The following GPC5 variants were observed in gnomAD, a reference collection of about 807,000 sequenced individuals.
The protein encoded by GPC5 is glypican-5.
Under a neutral mutation model 53.9 loss-of-function variants are expected in GPC5, and 47 were observed. The ratio of observed to expected loss-of-function variants is 0.87; its 90% CI spans 0.69 to 1.11. The LOEUF is 1.11. Among genes scored for constraint, GPC5 ranks in the 50% most tolerant of loss-of-function variants. The pLI, the probability that GPC5 is intolerant of heterozygous loss-of-function variation, is 0.00. For missense variants in GPC5, 748 were observed against 713.1 expected, an observed-to-expected ratio of 1.05 and a Z score of -0.56; for synonymous variants, 286 against 263.3, an observed-to-expected ratio of 1.09 and a Z score of -0.84.
intron 2 of GPC5, among the ~76,000 whole-genome samples, chr13:91,510,335 T>C (rs1453065228): frequency 6.6e-6 from 1 of 152,146 alleles, no homozygotes; most frequent in African/African-American, 2.4e-5. Context: ...TATTTTCACA[T>C]CTACACATAT....
intron 7 of GPC5, among the ~76,000 whole-genome samples, chr13:92,789,184 C>G (rs745620051): frequency 6.6e-6 from 1 of 152,080 alleles, no homozygotes; most frequent in Admixed American, 6.6e-5. Context: ...TTTGGCAGAT[C>G]TCAGAGGTGT....
chr13:91,714,154 C>T (rs1474622454), intron 3 of GPC5, among the ~76,000 whole-genome samples: 3 of 152,138 alleles, frequency 2.0e-5, no homozygotes, highest in African/African-American at 7.2e-5. Flanking sequence ...ATTCTCTCAC[C>T]AACAACTCAC....
At chr13:91,664,684 C>T (rs1005396252) in intron 2 of GPC5, among the ~76,000 whole-genome samples, 2 of 152,124 alleles carry the variant, frequency 1.3e-5, no homozygotes, top group African/African-American at 2.4e-5. Context: ...CCATGCTCTG[C>T]GTTGAGATTA....
intron 7 of GPC5, among the ~76,000 whole-genome samples, chr13:92,685,545 T>TTTTAA (rs1491264281): frequency 6.7e-5 from 1 of 14,996 alleles, no homozygotes; most frequent in East Asian, 3.0e-3. Flanking sequence ...ATTATGCTCA[T>TTTTAA]TTTTTTTTTT....
intron 4 of GPC5, among the ~76,000 whole-genome samples, chr13:91,753,125 G>A (rs2037215201): frequency 6.6e-6 from 1 of 152,110 alleles, no homozygotes; most frequent in South Asian, 2.1e-4. Flanking sequence ...AACAAAACAA[G>A]CAAACAACAA....
chr13:91,420,451 A>T (rs1319738211), intron 1 of GPC5, among the ~76,000 whole-genome samples: 2 of 152,170 alleles, frequency 1.3e-5, no homozygotes, highest in African/African-American at 4.8e-5. Context: ...CCTGGCTTTC[A>T]GCATGTCAAG....
intron 2 of GPC5, among the ~76,000 whole-genome samples, chr13:91,539,436 G>A (rs905885522): frequency 1.3e-5 from 2 of 152,096 alleles, no homozygotes; most frequent in Non-Finnish European, 2.9e-5. Flanking sequence ...TTCTTTCCCA[G>A]GCAGGCTGCC....
At chr13:91,757,183 C>G (rs1239727905) in intron 5 of GPC5, among the ~76,000 whole-genome samples, 2 of 151,944 alleles carry the variant, frequency 1.3e-5, no homozygotes, top group Non-Finnish European at 2.9e-5. Flanking sequence ...GGAAAAGTCT[C>G]TTGATTTGCC....
At chr13:91,498,105 C>A (rs1884381783) in intron 2 of GPC5, among the ~76,000 whole-genome samples, 1 of 150,972 alleles carries the variant, frequency 6.6e-6, no homozygotes, top group Non-Finnish European at 1.5e-5. Flanking sequence ...TTTTCTCCCG[C>A]TTAATGCTTT....
intron 7 of GPC5, among the ~76,000 whole-genome samples, chr13:92,615,133 C>T (rs1242286467): frequency 6.6e-6 from 1 of 152,176 alleles, no homozygotes; most frequent in Non-Finnish European, 1.5e-5. Context: ...ATTGAAATGA[C>T]TTTTCAAACA....
intron 7 of GPC5, among the ~76,000 whole-genome samples, chr13:92,614,468 T>C (rs2139103586): frequency 6.6e-6 from 1 of 152,326 alleles, no homozygotes; most frequent in Non-Finnish European, 1.5e-5. Context: ...TGGAATTATG[T>C]CCTGATAAAT....
chr13:91,617,574 T>C (rs2033732026), intron 2 of GPC5, among the ~76,000 whole-genome samples: 1 of 152,104 alleles, frequency 6.6e-6, no homozygotes, highest in African/African-American at 2.4e-5. Context: ...TAAAAGACTC[T>C]TGACAAGCAA....
At chr13:92,820,846 TTTGA>T (rs1296078654) in intron 7 of GPC5, among the ~76,000 whole-genome samples, 1 of 152,196 alleles carries the variant, frequency 6.6e-6, no homozygotes, top group Non-Finnish European at 1.5e-5. Context: ...TATTAACTTG[TTTGA>T]TTCTCATTAC....
intron 7 of GPC5, among the ~76,000 whole-genome samples, chr13:92,420,902 C>T (rs531814827): frequency 3.5e-4 from 54 of 152,214 alleles, no homozygotes; most frequent in Non-Finnish European, 7.4e-4. Flanking sequence ...TTGATGGACA[C>T]CTAAGTTGTT....
intron 7 of GPC5, among the ~76,000 whole-genome samples, chr13:92,473,058 A>G (rs1435022735): frequency 6.6e-6 from 1 of 152,054 alleles, no homozygotes; most frequent in African/African-American, 2.4e-5. Context: ...TATTGATCAT[A>G]TTTCTAAAAA....
chr13:91,766,238 G>A (rs2037521305), intron 5 of GPC5, among the ~76,000 whole-genome samples: 2 of 152,206 alleles, frequency 1.3e-5, no homozygotes, highest in Admixed American at 1.3e-4. Context: ...GCGAGTGGGA[G>A]CAAATGCATT....
intron 7 of GPC5, among the ~76,000 whole-genome samples, chr13:92,274,391 G>C (rs2042860760): frequency 6.6e-6 from 1 of 151,970 alleles, no homozygotes; most frequent in Non-Finnish European, 1.5e-5. Flanking sequence ...TCCTTTTTCA[G>C]ACCAGCATCA....
chr13:92,660,952 A>G (rs1391442788), intron 7 of GPC5, among the ~76,000 whole-genome samples: 2 of 152,060 alleles, frequency 1.3e-5, no homozygotes, highest in African/African-American at 2.4e-5. Context: ...TTTATATTAG[A>G]TAGAAGTTCT....
intron 2 of GPC5, among the ~76,000 whole-genome samples, chr13:91,667,980 A>G (rs2035157906): frequency 2.0e-5 from 3 of 152,054 alleles, no homozygotes; most frequent in Non-Finnish European, 1.5e-5. Context: ...CTTTCATAAT[A>G]TTGCTTTGGT....
Sources: allele counts gnomAD v4.1 joint callset (sites outside exome capture counted in the v4.1 genomes callset), GRCh38; gene constraint gnomAD v4.1.1; transcripts MANE v1.5; gene names NCBI Gene and HGNC (gene_info 2026-07-23, HGNC 2026-07-21).